WDR49: variants seen among roughly 807,000 people sequenced by gnomAD.
WDR49 encodes the protein WD repeat domain 49, also known as cilia- and flagella-associated protein 337.
WDR49 carries 107 observed loss-of-function variants against 119.5 expected under a neutral mutation model. The ratio of observed to expected loss-of-function variants is 0.90; its 90% CI spans 0.77 to 1.05. The LOEUF is 1.05. Ranked by LOEUF, WDR49 falls within the 50% of genes least tolerant of loss-of-function variation. WDR49 has a pLI of 0.00. For synonymous variants in WDR49, 425 were observed against 418.8 expected (o/e 1.01, Z -0.18); for missense variants, 1,240 against 1,220.5 (o/e 1.02, Z -0.24).
chr3:167,550,208 T>C (rs1423690203), intron 10 of WDR49, among the ~76,000 whole-genome samples: 1 of 152,160 alleles, frequency 6.6e-6, no homozygotes, highest in Non-Finnish European at 1.5e-5. Context: ...AACTTTAAAG[T>C]AGTTTTTTCC....
chr3:167,561,220 C>T (rs1009162157), intron 8 of WDR49, among the ~76,000 whole-genome samples: 3 of 152,056 alleles, frequency 2.0e-5, no homozygotes, highest in Admixed American at 6.6e-5. Flanking sequence ...ATCATGCATA[C>T]ATTCATTCAT....
At chr3:167,569,424 G>GCATT (rs1713800624) in intron 8 of WDR49, among the ~76,000 whole-genome samples, 1 of 151,954 alleles carries the variant, frequency 6.6e-6, no homozygotes, top group Admixed American at 6.6e-5. Context: ...TATCTTTTAT[G>GCATT]CATTCATTCT....
intron 18 of WDR49, among the ~76,000 whole-genome samples, chr3:167,487,563 A>C (rs1750973465): frequency 1.3e-5 from 2 of 152,174 alleles, no homozygotes; most frequent in Admixed American, 1.3e-4. Flanking sequence ...TCATCACAGC[A>C]AAACAAACCA....
chr3:167,582,031 C>CGTGT (rs57233824), intron 7 of WDR49, among the ~76,000 whole-genome samples: 4,299 of 142,362 alleles, frequency 0.03, 185 homozygotes, highest in African/African-American at 0.094. Context: ...GGCATGCTTC[C>CGTGT]GTGTGTGTGT....
At chr3:167,578,427 T>C (rs1209485994) in intron 7 of WDR49, among the ~76,000 whole-genome samples, 1 of 152,158 alleles carries the variant, frequency 6.6e-6, no homozygotes, top group Admixed American at 6.5e-5. Context: ...CACTAAATAA[T>C]ATAATTGTGC....
At chr3:167,566,155 T>C (rs114826703) in intron 8 of WDR49, among the ~76,000 whole-genome samples, 3,296 of 152,274 alleles carry the variant, frequency 0.022, 76 homozygotes, top group Non-Finnish European at 0.024. Flanking sequence ...GCTGGTTTAG[T>C]GTAGCTTTAT....
At chr3:167,503,307 G>C (rs1003183767) in intron 17 of WDR49, among the ~76,000 whole-genome samples, 6 of 152,228 alleles carry the variant, frequency 3.9e-5, no homozygotes, top group Non-Finnish European at 7.3e-5. Flanking sequence ...AGCCCTCACA[G>C]AGAATATCTG....
chr3:167,584,554 T>C (rs1207264195), intron 7 of WDR49, among the ~76,000 whole-genome samples: 3 of 152,110 alleles, frequency 2.0e-5, no homozygotes, highest in Non-Finnish European at 4.4e-5. Flanking sequence ...AAAAAGAGAA[T>C]GGTTAAACCA....
At chr3:167,541,810 A>G (rs1388122270) in intron 10 of WDR49, among the ~76,000 whole-genome samples, 1 of 152,138 alleles carries the variant, frequency 6.6e-6, no homozygotes, top group Non-Finnish European at 1.5e-5. Context: ...CAAGAGACTC[A>G]CCTAACATAT....
At chr3:167,628,785 AG>A (rs1385499244) in intron 2 of WDR49, among the ~76,000 whole-genome samples, 1 of 152,190 alleles carries the variant, frequency 6.6e-6, no homozygotes, top group Non-Finnish European at 1.5e-5. Context: ...TAAATGAAAC[AG>A]CCCTATTTGG....
intron 8 of WDR49, among the ~76,000 whole-genome samples, chr3:167,570,691 C>G (rs866192679): frequency 6.6e-6 from 1 of 152,042 alleles, no homozygotes; most frequent in Non-Finnish European, 1.5e-5. Context: ...TTAGTGTTTA[C>G]CTTTGGTATA....
At chr3:167,657,252 C>T (rs1187503373), upstream of WDR49, among the ~76,000 whole-genome samples, 2 of 152,126 alleles carry the variant, frequency 1.3e-5, no homozygotes, top group African/African-American at 4.8e-5. Context: ...ATGTTTTACA[C>T]AGAGAAAATG....
At chr3:167,597,338 C>T (rs978713154) in intron 7 of WDR49, among the ~76,000 whole-genome samples, 1 of 152,228 alleles carries the variant, frequency 6.6e-6, no homozygotes, top group Admixed American at 6.5e-5. Context: ...GTTTTAGGAG[C>T]CTCTGCCTAG....
rs568527135 is a variant in WDR49 at position 167,497,987 on chromosome 3, A to G, written c.3031+2166T>C. The stretch of plus-strand genomic sequence containing the variant: ...CTCCTGTGTAGCTGGGAAAACAGGC[A>G]CGTGCTACCATGCCTGGCTAATTTT... On this transcript the variant is annotated intron_variant, in intron 18 of 18. Transcript: ENST00000682715. 4.3e-4 allele frequency among the ~76,000 whole-genome samples: 65 copies of G among 150,676 alleles called. No homozygotes were observed. The Middle Eastern group carries it at 0.017, about 40-fold the overall frequency.
chr3:167,655,370 G>T (rs1477535786), upstream of WDR49, among the ~76,000 whole-genome samples: 3 of 152,148 alleles, frequency 2.0e-5, no homozygotes, highest in Non-Finnish European at 2.9e-5. Flanking sequence ...AGATGGATGT[G>T]CCCGTTGCAC....
At position 167,529,313 on chromosome 3, in the gene WDR49, C is replaced by A. The variant is rs1752757720; in HGVS notation, c.2219-74G>T. 3 of 1,388,334 alleles carry A rather than the reference C, an allele frequency of 2.2e-6. No individual in the cohort carries two copies. The South Asian group carries it at 4.5e-5, about 21-fold the overall frequency. 86.0% of individuals were successfully genotyped at this position (1,388,334 alleles called of 1,614,324 possible). On this transcript the variant is annotated intron_variant, in intron 13 of 18. Coordinates refer to ENST00000682715, the MANE Select transcript of WDR49 (RefSeq NM_001366157.1). Reference sequence around the variant, plus strand: ...AGAAATAACTTCTTCAGTGGCTTTCCCTGTGGAAAGCATGTGATGTTGAAG... The same window carrying A: ...AGAAATAACTTCTTCAGTGGCTTTCACTGTGGAAAGCATGTGATGTTGAAG...
intron 2 of WDR49, among the ~76,000 whole-genome samples, chr3:167,641,634 A>C (rs1048708658): frequency 2.0e-5 from 3 of 151,960 alleles, no homozygotes; most frequent in Non-Finnish European, 4.4e-5. Flanking sequence ...TCCTATGTAG[A>C]TAGTTCAAAT....
At chr3:167,646,683 A>G (rs9829009) in intron 2 of WDR49, among the ~76,000 whole-genome samples, 45,311 of 152,078 alleles carry the variant, frequency 0.3, 7,242 homozygotes, top group African/African-American at 0.43. Flanking sequence ...AAGAGTACAC[A>G]TCTGTAGCAA....
At chr3:167,585,030 T>C (rs947832397) in intron 7 of WDR49, among the ~76,000 whole-genome samples, 7 of 152,088 alleles carry the variant, frequency 4.6e-5, no homozygotes, top group Non-Finnish European at 8.8e-5. Flanking sequence ...TTAAATTTTG[T>C]TTTTTTCATT....
Sources: gnomAD v4.1 joint callset for allele counts (sites outside exome capture counted in the v4.1 genomes callset) on GRCh38, gnomAD v4.1.1 for gene constraint, MANE v1.5 for transcripts, NCBI Gene and HGNC (gene_info 2026-07-23, HGNC 2026-07-21) for gene names.